Variants in CNTN4 observed in about 807,000 individuals in gnomAD.
CNTN4 encodes contactin 4.
In CNTN4, 77 loss-of-function variants were observed where a neutral mutation model predicts 122.5. That is an observed-to-expected ratio of 0.63 (90% CI 0.52 to 0.76). The LOEUF (loss-of-function observed/expected upper bound fraction) is 0.76, where lower values mean the gene tolerates loss of function less well. CNTN4 is among the 30% of genes least tolerant of loss of function. The pLI is 0.00. For missense variants in CNTN4, 1,256 were observed against 1,259.1 expected (o/e 1.00, Z 0.04); for synonymous variants, 512 against 447.0 (o/e 1.15, Z -1.83).
chr3:2,487,870 G>T (rs2076207474), intron 3 of CNTN4, among the ~76,000 whole-genome samples: 2 of 152,156 alleles, frequency 1.3e-5, no homozygotes, highest in Admixed American at 1.3e-4. Context: ...AGTAACAAAT[G>T]ACATGTACCA....
intron 2 of CNTN4, among the ~76,000 whole-genome samples, chr3:2,252,078 ACATT>A (rs1415734766): frequency 6.6e-6 from 1 of 151,982 alleles, no homozygotes; most frequent in Non-Finnish European, 1.5e-5. Flanking sequence ...CTCAAACTCT[ACATT>A]CACATTTATA....
intron 3 of CNTN4, among the ~76,000 whole-genome samples, chr3:2,393,046 G>C (rs2046501920): frequency 6.6e-6 from 1 of 152,158 alleles, no homozygotes; most frequent in South Asian, 2.1e-4. Flanking sequence ...CAAAATCCAA[G>C]TTGGCAGGTT....
intron 13 of CNTN4, among the ~76,000 whole-genome samples, chr3:2,974,728 G>A (rs959422024): frequency 2.6e-5 from 4 of 152,190 alleles, no homozygotes; most frequent in Non-Finnish European, 5.9e-5. Flanking sequence ...AGACCTTGGG[G>A]ATTTTAACTG....
chr3:2,789,255 G>C (rs115026578), intron 6 of CNTN4, among the ~76,000 whole-genome samples: 216 of 152,244 alleles, frequency 1.4e-3, no homozygotes, highest in African/African-American at 5.0e-3. Context: ...CTCTGAATCT[G>C]TTTTCTCACC....
intron 4 of CNTN4, among the ~76,000 whole-genome samples, chr3:2,611,833 T>C (rs935291092): frequency 1.3e-5 from 2 of 152,154 alleles, no homozygotes; most frequent in African/African-American, 4.8e-5. Context: ...CCCTGTGGCA[T>C]CTCTTATACA....
intron 3 of CNTN4, among the ~76,000 whole-genome samples, chr3:2,448,973 A>G (rs1354773850): frequency 6.6e-6 from 1 of 152,160 alleles, no homozygotes; most frequent in Non-Finnish European, 1.5e-5. Context: ...TAAATCTCCA[A>G]CCTAGCCCAT....
intron 2 of CNTN4, among the ~76,000 whole-genome samples, chr3:2,163,402 A>G (rs1397051130): frequency 1.3e-5 from 2 of 152,220 alleles, no homozygotes; most frequent in Non-Finnish European, 2.9e-5. Flanking sequence ...TAGAAATTCT[A>G]GAAGATACAT....
chr3:2,345,064 G>A (rs949738197), intron 3 of CNTN4, among the ~76,000 whole-genome samples: 5 of 152,296 alleles, frequency 3.3e-5, no homozygotes, highest in South Asian at 4.1e-4. Context: ...CCTGGCAGAG[G>A]TAACATTACC....
intron 8 of CNTN4, among the ~76,000 whole-genome samples, chr3:2,868,597 T>C (rs2093750233): frequency 6.6e-6 from 1 of 152,064 alleles, no homozygotes; most frequent in Non-Finnish European, 1.5e-5. Flanking sequence ...CCTTTCTACA[T>C]AGACTACACT....
chr3:2,156,422 T>A (rs17008493), intron 2 of CNTN4, among the ~76,000 whole-genome samples: 5,454 of 152,212 alleles, frequency 0.036, 193 homozygotes, highest in East Asian at 0.15. Context: ...CTCAGCAGCG[T>A]CCTCAAGCAG....
In CNTN4 at chr3:3,043,594, C is replaced by A; in HGVS notation, c.2701C>A (p.Pro901Thr). The A allele has an allele frequency of 1.9e-6, 3 of 1,610,614 alleles. No individual in the cohort carries two copies. The highest frequency in any genetic ancestry group is 2.5e-6 in the Non-Finnish European group (3 of 1,176,856). ...TVNVTTRKPPPSQPPGNIIWN... is the reference protein window; with the variant it reads ...TVNVTTRKPPTSQPPGNIIWN... ...CGTATATCTTAATTTTTTTATAGCA[C>A]CAAGTCAACCCCCCGGAAACATCAT... Residue 901 changes from proline to threonine, a missense_variant and splice_region_variant, in exon 23 of 25, where the codon CCA (proline) becomes ACA (threonine). Transcript: ENST00000418658.
chr3:2,296,514 C>G (rs1192823191), intron 2 of CNTN4, among the ~76,000 whole-genome samples: 1 of 151,996 alleles, frequency 6.6e-6, no homozygotes, highest in East Asian at 1.9e-4. Flanking sequence ...CTGTAATATA[C>G]CATAATTGAC....
At chr3:2,371,481 C>A (rs1375029473) in intron 3 of CNTN4, among the ~76,000 whole-genome samples, 2 of 150,858 alleles carry the variant, frequency 1.3e-5, no homozygotes, top group Non-Finnish European at 2.9e-5. Flanking sequence ...TCTGTCTCAG[C>A]ATCTTGGAAT....
At chr3:2,128,203 C>A (rs1412660540) in intron 2 of CNTN4, among the ~76,000 whole-genome samples, 4 of 152,142 alleles carry the variant, frequency 2.6e-5, no homozygotes, top group Non-Finnish European at 5.9e-5. Context: ...CTCATTGTTA[C>A]ATTTACCTGC....
chr3:2,477,071 C>G (rs2151547194), intron 3 of CNTN4, among the ~76,000 whole-genome samples: 1 of 152,234 alleles, frequency 6.6e-6, no homozygotes, highest in Middle Eastern at 3.4e-3. Flanking sequence ...GCCTAAAAAG[C>G]TGGTTGAAGC....
intron 2 of CNTN4, among the ~76,000 whole-genome samples, chr3:2,257,189 A>T (rs2040632039): frequency 6.6e-6 from 1 of 152,244 alleles, no homozygotes. Flanking sequence ...GCAATGGGGA[A>T]AAAATTCCTT....
At chr3:2,785,796 C>T (rs944362899) in intron 6 of CNTN4, among the ~76,000 whole-genome samples, 5 of 151,878 alleles carry the variant, frequency 3.3e-5, no homozygotes, top group African/African-American at 1.2e-4. Context: ...CTAGTGAGGG[C>T]CACACCCTCA....
intron 2 of CNTN4, among the ~76,000 whole-genome samples, chr3:2,302,813 G>C (rs1459244376): frequency 6.6e-6 from 1 of 152,134 alleles, no homozygotes; most frequent in Non-Finnish European, 1.5e-5. Context: ...AAGTTTATTA[G>C]TCAATCTTAT....
At chr3:2,162,580 G>T (rs1334519782) in intron 2 of CNTN4, among the ~76,000 whole-genome samples, 1 of 152,150 alleles carries the variant, frequency 6.6e-6, no homozygotes, top group East Asian at 1.9e-4. Flanking sequence ...AGAGATGTGG[G>T]GGAGCTGTTC....
Sources: allele counts gnomAD v4.1 joint callset (sites outside exome capture counted in the v4.1 genomes callset), GRCh38; gene constraint gnomAD v4.1.1; transcripts MANE v1.5; gene names NCBI Gene and HGNC (gene_info 2026-07-23, HGNC 2026-07-21).